The following IMMP2L variants were observed in gnomAD, a reference collection of about 807,000 sequenced individuals.
IMMP2L encodes the protein inner mitochondrial membrane peptidase subunit 2.
IMMP2L carries 18 observed loss-of-function variants against 19.3 expected under a neutral mutation model. That is an observed-to-expected ratio of 0.93 (90% CI 0.64 to 1.38). IMMP2L has a LOEUF of 1.38. Among genes scored for constraint, IMMP2L ranks in the 40% most tolerant of loss-of-function variants. IMMP2L has a pLI of 0.00. For missense variants in IMMP2L, 233 were observed against 218.2 expected, an observed-to-expected ratio of 1.07 and a Z score of -0.43; for synonymous variants, 76 against 73.0, an observed-to-expected ratio of 1.04 and a Z score of -0.21.
intron 3 of IMMP2L, among the ~76,000 whole-genome samples, chr7:111,117,220 G>C (rs988082739): frequency 4.6e-5 from 7 of 152,078 alleles, no homozygotes; most frequent in South Asian, 2.1e-4. Context: ...AGATAAGTGA[G>C]TTTACACACA....
At chr7:110,887,045 G>A (rs1012341304) in intron 4 of IMMP2L, among the ~76,000 whole-genome samples, 13 of 151,766 alleles carry the variant, frequency 8.6e-5, no homozygotes, top group African/African-American at 3.1e-4. Flanking sequence ...TTTAACATTT[G>A]CTTTTAAGTC....
chr7:111,242,764 A>G (rs1815259624), intron 3 of IMMP2L, among the ~76,000 whole-genome samples: 1 of 152,044 alleles, frequency 6.6e-6, no homozygotes, highest in African/African-American at 2.4e-5. Context: ...GATAATGATT[A>G]AAAAAGAGAA....
At chr7:110,721,071 G>A (rs778766282) in intron 5 of IMMP2L, among the ~76,000 whole-genome samples, 4 of 148,942 alleles carry the variant, frequency 2.7e-5, no homozygotes, top group East Asian at 2.0e-4. Flanking sequence ...TTCAGGAAGA[G>A]TTATCTTGCT....
chr7:110,840,256 C>T (rs1171578258), intron 5 of IMMP2L, among the ~76,000 whole-genome samples: 5 of 152,094 alleles, frequency 3.3e-5, no homozygotes, highest in South Asian at 4.1e-4. Context: ...AGGAGTGCTT[C>T]GCCATCCCGG....
chr7:110,818,858 G>C (rs2131319961), intron 5 of IMMP2L, among the ~76,000 whole-genome samples: 1 of 150,452 alleles, frequency 6.6e-6, no homozygotes, highest in South Asian at 2.1e-4. Context: ...ACTATCGCAA[G>C]GACAAAAAAC....
chr7:111,338,213 C>T (rs563553761), intron 3 of IMMP2L, among the ~76,000 whole-genome samples: 2 of 152,094 alleles, frequency 1.3e-5, no homozygotes, highest in South Asian at 4.1e-4. Context: ...ATCAGTTTAA[C>T]AGAGGAGAGT....
intron 4 of IMMP2L, among the ~76,000 whole-genome samples, chr7:110,911,967 G>A (rs1019583199): frequency 6.6e-6 from 1 of 152,014 alleles, no homozygotes; most frequent in Admixed American, 6.6e-5. Context: ...AGTTCCTAGA[G>A]GAAGAAACTT....
chr7:110,790,441 C>T (rs1375696561), intron 5 of IMMP2L, among the ~76,000 whole-genome samples: 2 of 151,746 alleles, frequency 1.3e-5, no homozygotes, highest in African/African-American at 2.4e-5. Flanking sequence ...GAAGAAGCAT[C>T]AAGGGGACCA....
At chr7:111,348,201 T>G (rs1308701769) in intron 3 of IMMP2L, among the ~76,000 whole-genome samples, 1 of 150,346 alleles carries the variant, frequency 6.7e-6, no homozygotes, top group South Asian at 2.2e-4. Flanking sequence ...GATGAGTTGA[T>G]GGGTGCAGCA....
intron 5 of IMMP2L, among the ~76,000 whole-genome samples, chr7:110,705,008 G>A (rs1794551646): frequency 6.6e-6 from 1 of 152,058 alleles, no homozygotes; most frequent in Admixed American, 6.6e-5. Flanking sequence ...TAAAAAGTTA[G>A]TCATCATTTT....
chr7:111,281,198 G>GAA (rs1292083917), intron 3 of IMMP2L, among the ~76,000 whole-genome samples: 2 of 45,776 alleles, frequency 4.4e-5, no homozygotes, highest in African/African-American at 7.9e-5. Context: ...AAGAAAGAAA[G>GAA]AAAGAAAGAA....
At chr7:111,296,293 G>A (rs1271783208) in intron 3 of IMMP2L, among the ~76,000 whole-genome samples, 1 of 151,750 alleles carries the variant, frequency 6.6e-6, no homozygotes, top group Non-Finnish European at 1.5e-5. Flanking sequence ...CATCTGAAAA[G>A]CAAAAACTGA....
At position 111,316,943 on chromosome 7, in the gene IMMP2L, G is replaced by A. The variant is rs1470676433; in HGVS notation, c.239+170295C>T. On this transcript the variant is annotated intron_variant, in intron 3 of 5. Transcript: ENST00000405709. ...CGGCTCACTGCAAGCTCCGCCTCCC[G>A]AGTTCAAGTGATTCTCCTGCCTCAG... is the stretch of plus-strand genomic sequence containing the variant. 3.6e-5 allele frequency among the ~76,000 whole-genome samples: 5 copies of A among 139,162 alleles called. 1 individual carries two copies. Among genetic ancestry groups the A allele is most frequent in the South Asian group, 2.4e-4 (1 of 4,112 alleles). 91.3% of individuals were successfully genotyped at this position (139,162 alleles called of 152,430 possible).
chr7:111,399,675 T>G (rs1256239138), intron 3 of IMMP2L, among the ~76,000 whole-genome samples: 1 of 152,134 alleles, frequency 6.6e-6, no homozygotes, highest in African/African-American at 2.4e-5. Flanking sequence ...ATTAATGCAT[T>G]ATTATTAATG....
intron 3 of IMMP2L, among the ~76,000 whole-genome samples, chr7:111,350,296 T>C (rs1203165142): frequency 6.6e-6 from 1 of 151,906 alleles, no homozygotes; most frequent in Non-Finnish European, 1.5e-5. Context: ...GGAATCCTGA[T>C]GTTAACTATT....
chr7:111,368,436 T>C (rs1584825582), intron 3 of IMMP2L, among the ~76,000 whole-genome samples: 1 of 151,968 alleles, frequency 6.6e-6, no homozygotes, highest in Non-Finnish European at 1.5e-5. Flanking sequence ...CTCTCAAGAC[T>C]TAGTGTATTA....
intron 5 of IMMP2L, among the ~76,000 whole-genome samples, chr7:110,681,404 A>G: frequency 6.6e-6 from 1 of 152,118 alleles, no homozygotes; most frequent in Admixed American, 6.6e-5. Context: ...CTGCAGAAAA[A>G]AACAAACATT....
intron 3 of IMMP2L, among the ~76,000 whole-genome samples, chr7:111,078,435 T>A (rs1354254421): frequency 1.3e-5 from 2 of 152,210 alleles, no homozygotes; most frequent in African/African-American, 4.8e-5. Flanking sequence ...TCTGCATTAT[T>A]CACAATATAG....
At position 111,322,733 on chromosome 7, in the gene IMMP2L, AG is replaced by A. The variant is rs1407442754; in HGVS notation, c.239+164504del. On this transcript the variant is annotated intron_variant, in intron 3 of 5. Transcript: ENST00000405709. The stretch of plus-strand genomic sequence containing the variant: ...CTAATAATGAATAATAATTTACATG[AG>A]AAAAAGACCTTTTCACCTGCAAATT... Among the ~76,000 whole-genome samples the A allele has an allele frequency of 1.8e-4, 27 of 152,022 alleles. No homozygotes were observed. The East Asian group carries it at 5.0e-3, about 28-fold the overall frequency.
Sources: allele counts gnomAD v4.1 joint callset (sites outside exome capture counted in the v4.1 genomes callset), GRCh38; gene constraint gnomAD v4.1.1; transcripts MANE v1.5; gene names NCBI Gene and HGNC (gene_info 2026-07-23, HGNC 2026-07-21).